FANCC: variants seen among roughly 807,000 people sequenced by gnomAD.
The protein encoded by FANCC is FA complementation group C.
Under a neutral mutation model 71.3 loss-of-function variants are expected in FANCC, and 55 were observed. That is an observed-to-expected ratio of 0.77 (90% CI 0.62 to 0.97). The LOEUF is 0.97. Among genes scored for constraint, FANCC ranks in the 50% least tolerant of loss-of-function variants. The pLI is 0.00. For missense variants in FANCC, 678 were observed against 670.9 expected (o/e 1.01, Z -0.12); for synonymous variants, 275 against 244.9 (o/e 1.12, Z -1.15).
chr9:95,104,719 G>A (rs988854398), intron 14 of FANCC, among the ~76,000 whole-genome samples: 4 of 152,060 alleles, frequency 2.6e-5, no homozygotes, highest in Non-Finnish European at 4.4e-5. Flanking sequence ...ACACCCTGTC[G>A]GCAGGGCTGG....
At chr9:95,269,342 T>C (rs953497178) in intron 1 of FANCC, among the ~76,000 whole-genome samples, 5 of 152,220 alleles carry the variant, frequency 3.3e-5, no homozygotes, top group African/African-American at 4.8e-5. Flanking sequence ...TGAGGCACAG[T>C]GCTGTGATGG....
chr9:95,126,327 A>G (rs781567064), intron 9 of FANCC, among the ~76,000 whole-genome samples: 4 of 152,232 alleles, frequency 2.6e-5, no homozygotes, highest in Non-Finnish European at 5.9e-5. Flanking sequence ...AGTTATCTTA[A>G]TTCTTAGGCA....
intron 1 of FANCC, among the ~76,000 whole-genome samples, chr9:95,254,228 C>A (rs1029480576): frequency 6.6e-6 from 1 of 152,244 alleles, no homozygotes; most frequent in Non-Finnish European, 1.5e-5. Flanking sequence ...TATTTATATG[C>A]TTTTCAATAT....
intron 7 of FANCC, among the ~76,000 whole-genome samples, chr9:95,141,311 CAAAAAAAAAAAAA>C (rs66627467): frequency 0.015 from 834 of 55,014 alleles, 17 homozygotes; most frequent in Middle Eastern, 0.071. Context: ...GACCCTGTCT[CAAAAAAAAAAAAA>C]AAAAAAAAAA....
chr9:95,107,720 AGGGCGGGG>A (rs2071565557), intron 13 of FANCC, among the ~76,000 whole-genome samples: 1 of 152,084 alleles, frequency 6.6e-6, no homozygotes, highest in Admixed American at 6.5e-5. Flanking sequence ...ATTGGGGGTC[AGGGCGGGG>A]GGTCGGGGGG....
chr9:95,292,419 G>T (rs566562458), intron 1 of FANCC: 446 of 1,096,272 alleles, frequency 4.1e-4, no homozygotes, highest in Admixed American at 7.3e-4. Flanking sequence ...GGCCACGAGA[G>T]GAGCCTCCGC....
At chr9:95,166,180 T>G (rs961379992) in intron 6 of FANCC, among the ~76,000 whole-genome samples, 1 of 152,106 alleles carries the variant, frequency 6.6e-6, no homozygotes, top group Non-Finnish European at 1.5e-5. Context: ...TATTTTGCTA[T>G]TCCACATCTT....
At chr9:95,196,728 G>C (rs972114838) in intron 4 of FANCC, among the ~76,000 whole-genome samples, 1 of 152,110 alleles carries the variant, frequency 6.6e-6, no homozygotes, top group Non-Finnish European at 1.5e-5. Flanking sequence ...TGTCTGCTTC[G>C]GTTCACATTT....
At chr9:95,167,306 T>C (rs1825363320) in intron 6 of FANCC, among the ~76,000 whole-genome samples, 1 of 152,292 alleles carries the variant, frequency 6.6e-6, no homozygotes, top group South Asian at 2.1e-4. Flanking sequence ...TTTGGGTTCA[T>C]TCTTTGGAGT....
At chr9:95,223,268 T>C (rs1210314929) in intron 4 of FANCC, among the ~76,000 whole-genome samples, 1 of 152,206 alleles carries the variant, frequency 6.6e-6, no homozygotes, top group East Asian at 1.9e-4. Context: ...TGATACCTTG[T>C]GAGGGCTGTG....
intron 1 of FANCC, among the ~76,000 whole-genome samples, chr9:95,275,189 C>T (rs552188477): frequency 1.1e-4 from 16 of 151,726 alleles, no homozygotes; most frequent in Non-Finnish European, 2.2e-4. Flanking sequence ...GAGGCTGTGG[C>T]AGGAGGATCA....
intron 10 of FANCC, among the ~76,000 whole-genome samples, chr9:95,120,161 C>T (rs145278223): frequency 2.0e-5 from 3 of 152,318 alleles, no homozygotes; most frequent in Non-Finnish European, 4.4e-5. Flanking sequence ...TCTGTTGAAG[C>T]CCATGATCCT....
At chr9:95,123,369 G>A in intron 10 of FANCC, 1 of 392,802 alleles carries the variant, frequency 2.5e-6, no homozygotes, top group South Asian at 1.9e-5. Flanking sequence ...GCTGGGTGTG[G>A]TGGCTCACAC....
intron 7 of FANCC, among the ~76,000 whole-genome samples, chr9:95,136,245 T>C (rs79914832): frequency 1.3e-5 from 2 of 151,878 alleles, no homozygotes; most frequent in South Asian, 4.2e-4. Flanking sequence ...ATTTTTTTTT[T>C]AAATTAGCCT....
intron 13 of FANCC, among the ~76,000 whole-genome samples, chr9:95,108,234 C>T (rs556904426): frequency 5.9e-5 from 9 of 152,188 alleles, no homozygotes; most frequent in Non-Finnish European, 1.3e-4. Flanking sequence ...GACCACAATA[C>T]AAGACCGTGA....
chr9:95,170,214 ATAAATC>A (rs2135570588), intron 6 of FANCC, among the ~76,000 whole-genome samples: 1 of 152,326 alleles, frequency 6.6e-6, no homozygotes, highest in South Asian at 2.1e-4. Flanking sequence ...ATGTAAATAA[ATAAATC>A]TAAACACTCT....
At chr9:95,202,440 G>T (rs1827861962) in intron 4 of FANCC, among the ~76,000 whole-genome samples, 1 of 152,120 alleles carries the variant, frequency 6.6e-6, no homozygotes, top group African/African-American at 2.4e-5. Flanking sequence ...AGCAGAACTG[G>T]GCTTAACAGG....
intron 4 of FANCC, among the ~76,000 whole-genome samples, chr9:95,178,997 A>G (rs1826181083): frequency 6.6e-6 from 1 of 152,188 alleles, no homozygotes; most frequent in Admixed American, 6.5e-5. Flanking sequence ...TGGTGATACT[A>G]ACATTTCTTA....
intron 1 of FANCC, among the ~76,000 whole-genome samples, chr9:95,260,501 G>C (rs1831962832): frequency 6.6e-6 from 1 of 152,074 alleles, no homozygotes. Flanking sequence ...CGAACACATG[G>C]ACCCAGGGAG....
Sources: gnomAD v4.1 joint callset for allele counts (sites outside exome capture counted in the v4.1 genomes callset) on GRCh38, gnomAD v4.1.1 for gene constraint, MANE v1.5 for transcripts, NCBI Gene and HGNC (gene_info 2026-07-23, HGNC 2026-07-21) for gene names.